The following PPFIBP1 variants were observed in gnomAD, a reference collection of about 807,000 sequenced individuals.
The protein encoded by PPFIBP1 is liprin-beta-1.
PPFIBP1 carries 112 observed loss-of-function variants against 137.8 expected under a neutral mutation model. The ratio of observed to expected loss-of-function variants is 0.81; its 90% confidence interval spans 0.70 to 0.95. The LOEUF is 0.95. PPFIBP1 is among the 40% of genes least tolerant of loss of function. PPFIBP1 has a pLI of 0.00. For synonymous variants in PPFIBP1, 378 were observed against 417.3 expected (o/e 0.91, Z 1.15); for missense variants, 1,083 against 1,196.6 (o/e 0.91, Z 1.40).
At chr12:27,668,687 A>C (rs2060006842) in intron 13 of PPFIBP1, among the ~76,000 whole-genome samples, 1 of 152,264 alleles carries the variant, frequency 6.6e-6, no homozygotes, top group African/African-American at 2.4e-5. Context: ...TTACAGAAGA[A>C]CACATCCACA....
At chr12:27,540,695 T>C (rs1465433688) in intron 1 of PPFIBP1, among the ~76,000 whole-genome samples, 2 of 152,250 alleles carry the variant, frequency 1.3e-5, no homozygotes, top group African/African-American at 2.4e-5. Context: ...TAATTTTTGC[T>C]CCTGTTAGCA....
chr12:27,682,338 C>G (rs948499481), intron 22 of PPFIBP1, 49 bp from the exon 23 acceptor site: 1 of 1,322,718 alleles, frequency 7.6e-7, no homozygotes, highest in Admixed American at 1.8e-5. Context: ...TTGCCAGTGG[C>G]ACCCAGCCTA....
chr12:27,614,051 G>A (rs1197060123), intron 2 of PPFIBP1, among the ~76,000 whole-genome samples: 2 of 152,016 alleles, frequency 1.3e-5, no homozygotes, highest in Non-Finnish European at 2.9e-5. Context: ...ATTTGTCCCT[G>A]GCAGCTGTTA....
rs556700458 is a variant in PPFIBP1 at position 27,660,595 on chromosome 12, T to A, written c.845-289T>A. On this transcript the variant is annotated intron_variant, in intron 10 of 29. Transcript: ENST00000228425. ...ATTACTATAGCACTGAAATTTCATC[T>A]TCAGTGTTCTCATGAAGATTCTCTT... Among the ~76,000 whole-genome samples, 27 of 152,346 alleles carry A rather than the reference T, an allele frequency of 1.8e-4. No individual in the cohort carries two copies. The South Asian group carries it at 5.6e-3, about 32-fold the overall frequency.
At chr12:27,579,015 G>A (rs1402288176) in intron 2 of PPFIBP1, among the ~76,000 whole-genome samples, 1 of 152,242 alleles carries the variant, frequency 6.6e-6, no homozygotes, top group African/African-American at 2.4e-5. Flanking sequence ...TGGCATGGAT[G>A]TCAATAAGAG....
intron 5 of PPFIBP1, among the ~76,000 whole-genome samples, chr12:27,646,931 C>T (rs1305220189): frequency 6.6e-6 from 1 of 152,210 alleles, no homozygotes; most frequent in Non-Finnish European, 1.5e-5. Flanking sequence ...TGAGTTGCCC[C>T]CCCTGACTTT....
chr12:27,692,726 T>A lies in PPFIBP1; in HGVS notation c.2931+70T>A, dbSNP rs191351440. ...TTTATAACAACCCCAAAGGACCACA[T>A]GTCTCTTGGAGAATGTGTAGCTCTG... On this transcript the variant is annotated intron_variant, in intron 29 of 29. Coordinates refer to ENST00000228425, the MANE Select transcript of PPFIBP1 (RefSeq NM_003622.4). 63 of 1,613,860 alleles carry A rather than the reference T, an allele frequency of 3.9e-5. No homozygotes were observed. In the African/African-American group the frequency reaches 7.1e-4, roughly 18 times the overall value.
chr12:27,590,596 G>A (rs1217992059), intron 2 of PPFIBP1, among the ~76,000 whole-genome samples: 6 of 152,184 alleles, frequency 3.9e-5, no homozygotes, highest in African/African-American at 1.2e-4. Flanking sequence ...TGGCAAGAAG[G>A]TGGCAGAGCA....
At chr12:27,622,570 C>T (rs1477355985) in intron 2 of PPFIBP1, among the ~76,000 whole-genome samples, 5 of 152,298 alleles carry the variant, frequency 3.3e-5, no homozygotes, top group African/African-American at 1.2e-4. Flanking sequence ...GTTTTTAACC[C>T]AGTATAAAGT....
At chr12:27,614,760 A>G (rs902783331) in intron 2 of PPFIBP1, among the ~76,000 whole-genome samples, 3 of 152,260 alleles carry the variant, frequency 2.0e-5, no homozygotes, top group African/African-American at 7.2e-5. Flanking sequence ...AAAATAAGCT[A>G]TGACAGGTTT....
chr12:27,639,856 C>G (rs550134573), intron 4 of PPFIBP1, among the ~76,000 whole-genome samples: 45 of 152,304 alleles, frequency 3.0e-4, no homozygotes, highest in African/African-American at 9.1e-4. Flanking sequence ...CTCTGCAGGG[C>G]TGCTGGCTGT....
intron 19 of PPFIBP1, among the ~76,000 whole-genome samples, chr12:27,678,168 ACTTTCTTT>A: frequency 6.6e-6 from 1 of 152,290 alleles, no homozygotes. Context: ...TACAACTTTT[ACTTTCTTT>A]TATAAAGTAT....
At chr12:27,661,760 G>A (rs916853793) in intron 11 of PPFIBP1, among the ~76,000 whole-genome samples, 1 of 152,108 alleles carries the variant, frequency 6.6e-6, no homozygotes, top group African/African-American at 2.4e-5. Flanking sequence ...TTCTCCCATC[G>A]TAAGTTTCTT....
At chr12:27,591,008 A>G (rs1021231396) in intron 2 of PPFIBP1, among the ~76,000 whole-genome samples, 1 of 152,094 alleles carries the variant, frequency 6.6e-6, no homozygotes, top group Non-Finnish European at 1.5e-5. Context: ...TTTACCCACT[A>G]CAGAATATTA....
At chr12:27,596,933 C>T (rs557790069) in intron 2 of PPFIBP1, among the ~76,000 whole-genome samples, 1 of 152,310 alleles carries the variant, frequency 6.6e-6, no homozygotes, top group Non-Finnish European at 1.5e-5. Flanking sequence ...AGCCCATATC[C>T]TAACCTCTAC....
intron 2 of PPFIBP1, among the ~76,000 whole-genome samples, chr12:27,584,706 A>G (rs2051513961): frequency 6.6e-6 from 1 of 152,352 alleles, no homozygotes; most frequent in Middle Eastern, 3.4e-3. Flanking sequence ...CTCTTGTGAG[A>G]TGAAGACAGG....
At chr12:27,639,063 A>G (rs768784429) in intron 4 of PPFIBP1, among the ~76,000 whole-genome samples, 3 of 152,206 alleles carry the variant, frequency 2.0e-5, no homozygotes, top group Non-Finnish European at 4.4e-5. Context: ...TGTTTGTTTC[A>G]TATGATCAGA....
intron 12 of PPFIBP1, among the ~76,000 whole-genome samples, chr12:27,664,985 A>G (rs1170789500): frequency 6.6e-6 from 1 of 152,136 alleles, no homozygotes; most frequent in African/African-American, 2.4e-5. Flanking sequence ...GTCAGGAGTT[A>G]GAGACCAGCC....
chr12:27,639,795 A>T (rs1466288172), intron 4 of PPFIBP1, among the ~76,000 whole-genome samples: 1 of 152,220 alleles, frequency 6.6e-6, no homozygotes, highest in Admixed American at 6.5e-5. Flanking sequence ...AAAAGTTGCT[A>T]TAAAAATAAA....
Sources: gnomAD v4.1 joint callset for allele counts (sites outside exome capture counted in the v4.1 genomes callset) on GRCh38, gnomAD v4.1.1 for gene constraint, MANE v1.5 for transcripts, NCBI Gene and HGNC (gene_info 2026-07-23, HGNC 2026-07-21) for gene names.